Variants in TOPAZ1 observed in about 807,000 individuals in gnomAD.
TOPAZ1 encodes the protein protein TOPAZ1.
Under a neutral mutation model 172.2 loss-of-function variants are expected in TOPAZ1, and 66 were observed. The ratio of observed to expected loss-of-function variants is 0.38; its 90% CI spans 0.31 to 0.47. The LOEUF (loss-of-function observed/expected upper bound fraction) is 0.47, where lower values mean the gene tolerates loss of function less well. Among genes scored for constraint, TOPAZ1 ranks in the 20% least tolerant of loss-of-function variants. TOPAZ1 has a pLI of 0.99. For missense variants in TOPAZ1, 1,822 were observed against 1,972.4 expected, an observed-to-expected ratio of 0.92 and a Z score of 1.44; for synonymous variants, 681 against 683.9, an observed-to-expected ratio of 1.00 and a Z score of 0.07.
Position 44,242,401 on chromosome 3 carries a change from T to C in TOPAZ1, c.346+2T>C, listed in dbSNP as rs1240403644. 1 of 1,552,222 alleles carries C rather than the reference T, an allele frequency of 6.4e-7. No homozygotes were observed. The highest frequency in any genetic ancestry group is 8.7e-7 in the Non-Finnish European group (1 of 1,147,086). ...TCCCCTTGCAAACGGAAAGACACAGTAAGAAAGCATCCACGATCACTTACC... is the reference window on the plus strand; with the variant it reads ...TCCCCTTGCAAACGGAAAGACACAGCAAGAAAGCATCCACGATCACTTACC... On this transcript the variant is annotated splice_donor_variant, in intron 1 of 19. Coordinates refer to ENST00000309765, the MANE Select transcript of TOPAZ1 (RefSeq NM_001145030.2). LOFTEE classifies it high-confidence loss of function.
intron 2 of TOPAZ1, among the ~76,000 whole-genome samples, chr3:44,253,074 A>G (rs1164164962): frequency 2.0e-5 from 3 of 152,220 alleles, no homozygotes; most frequent in Non-Finnish European, 4.4e-5. Flanking sequence ...TCAAATGGCA[A>G]GAAATGAAGC....
chr3:44,258,718 A>G (rs565740694), intron 4 of TOPAZ1, among the ~76,000 whole-genome samples: 2 of 152,264 alleles, frequency 1.3e-5, no homozygotes, highest in East Asian at 3.9e-4. Flanking sequence ...TTGCTCATTG[A>G]TGGATATCTA....
chr3:44,318,457 A>G, intron 16 of TOPAZ1, among the ~76,000 whole-genome samples: 1 of 147,832 alleles, frequency 6.8e-6, no homozygotes, highest in South Asian at 2.2e-4. Flanking sequence ...ATCTCAAAAA[A>G]ACAAAACAAA....
downstream of TOPAZ1, among the ~76,000 whole-genome samples, chr3:44,334,848 T>TC (rs573926667): frequency 3.7e-4 from 57 of 152,118 alleles, no homozygotes; most frequent in Non-Finnish European, 7.2e-4. Context: ...AGCTAGGAGG[T>TC]AATCTGGAGC....
At chr3:44,336,023 G>C (rs745745850), downstream of TOPAZ1, among the ~76,000 whole-genome samples, 1 of 152,192 alleles carries the variant, frequency 6.6e-6, no homozygotes, top group Non-Finnish European at 1.5e-5. Context: ...TGAACCCTTT[G>C]TGTGGATATT....
Position 44,276,624 on chromosome 3 carries a change from C to CTTTTTTTTTTTTTTTTTTTT in TOPAZ1, c.3373-5334_3373-5315dup, listed in dbSNP as rs762865769. Among the ~76,000 whole-genome samples the CTTTTTTTTTTTTTTTTTTTT allele has an allele frequency of 4.6e-4, 11 of 24,112 alleles. 2 individuals carry two copies. The highest frequency in any genetic ancestry group is 5.1e-4 in the Admixed American group (1 of 1,946). 15.8% of individuals were successfully genotyped at this position (24,112 alleles called of 152,430 possible). ...GTAGTTTAATGCCTCCAGCTTTGTT[C>CTTTTTTTTTTTTTTTTTTTT]TTTTTTTTTTTTTTTTTTTTTTTTT... On this transcript the variant is annotated intron_variant, in intron 8 of 19. Coordinates refer to ENST00000309765, the MANE Select transcript of TOPAZ1 (RefSeq NM_001145030.2).
chr3:44,319,985 TATA>T (rs1700491648), intron 16 of TOPAZ1, among the ~76,000 whole-genome samples: 1 of 152,234 alleles, frequency 6.6e-6, no homozygotes, highest in African/African-American at 2.4e-5. Context: ...TCACTATGTG[TATA>T]ATGATTGAGT....
intron 19 of TOPAZ1, among the ~76,000 whole-genome samples, chr3:44,330,140 C>T (rs1338284651): frequency 6.6e-6 from 1 of 152,050 alleles, no homozygotes; most frequent in Non-Finnish European, 1.5e-5. Flanking sequence ...ATTTTAGTTC[C>T]ACCTTCAAAA....
chr3:44,316,051 G>A (rs1026474920), intron 16 of TOPAZ1, among the ~76,000 whole-genome samples: 7 of 151,528 alleles, frequency 4.6e-5, no homozygotes, highest in South Asian at 2.1e-4. Context: ...CCTGGGCAAC[G>A]TAGGGAGACT....
chr3:44,332,937 T>G (rs188482563), downstream of TOPAZ1, among the ~76,000 whole-genome samples: 24 of 151,722 alleles, frequency 1.6e-4, no homozygotes, highest in Non-Finnish European at 3.5e-4. Flanking sequence ...TAGCTGAGAC[T>G]ACAGGTATGC....
At chr3:44,242,546 A>G (rs1206462543) in intron 1 of TOPAZ1, 147 bp downstream of exon 1, 4 of 929,464 alleles carry the variant, frequency 4.3e-6, no homozygotes, top group Non-Finnish European at 6.5e-6. Flanking sequence ...GGATTTCCTT[A>G]AAAGGGGTGT....
In TOPAZ1 at chr3:44,254,821, T is replaced by A. The variant is rs567060088; in HGVS notation, c.2766-147T>A. The A allele has an allele frequency of 2.0e-5, 10 of 493,434 alleles. No individual in the cohort carries two copies. In the East Asian group the frequency reaches 2.7e-4, roughly 13 times the overall value. The allele number at this position is 493,434 out of a possible 1,614,324, so 30.6% of individuals were successfully genotyped here. On this transcript the variant is annotated intron_variant, in intron 2 of 19. Coordinates refer to ENST00000309765, the MANE Select transcript of TOPAZ1 (RefSeq NM_001145030.2). Reference sequence around the variant, plus strand: ...AAATCCACTCAGGTGCACTGGGTTCTGTGTCTCATTATAGTAAGTACTCTG... The same window carrying A: ...AAATCCACTCAGGTGCACTGGGTTCAGTGTCTCATTATAGTAAGTACTCTG...
chr3:44,283,453 G>A (rs1339838787), intron 9 of TOPAZ1, among the ~76,000 whole-genome samples: 1 of 152,188 alleles, frequency 6.6e-6, no homozygotes, highest in Non-Finnish European at 1.5e-5. Flanking sequence ...AGCTACTCAG[G>A]CTCTACAGAG....
chr3:44,328,525 A>G, intron 19 of TOPAZ1, 92 bp downstream of exon 19: 2 of 592,516 alleles, frequency 3.4e-6, no homozygotes, highest in Non-Finnish European at 5.5e-6. Flanking sequence ...GTTTTTATAC[A>G]TACATATATA....
chr3:44,298,909 A>ATATATATTTTT (rs1287571186), intron 12 of TOPAZ1, among the ~76,000 whole-genome samples: 3 of 41,322 alleles, frequency 7.3e-5, no homozygotes, highest in Non-Finnish European at 1.3e-4. Flanking sequence ...ATATATATAT[A>ATATATATTTTT]TTTTTTTTTT....
chr3:44,298,515 C>T (rs1254898178), intron 12 of TOPAZ1, among the ~76,000 whole-genome samples: 2 of 151,810 alleles, frequency 1.3e-5, no homozygotes. Flanking sequence ...AATGTTAAGA[C>T]TTACTAACAG....
intron 8 of TOPAZ1, among the ~76,000 whole-genome samples, chr3:44,281,067 G>A (rs1053132207): frequency 1.3e-5 from 2 of 152,182 alleles, no homozygotes; most frequent in Non-Finnish European, 2.9e-5. Context: ...AGGATTATAG[G>A]AGTCTGCAGC....
intron 12 of TOPAZ1, among the ~76,000 whole-genome samples, chr3:44,297,200 T>G (rs1700210327): frequency 6.6e-6 from 1 of 151,062 alleles, no homozygotes; most frequent in Admixed American, 6.6e-5. Context: ...AAAAGAAAAT[T>G]ACAAATTAGT....
intron 18 of TOPAZ1, 23 bp from the exon 19 acceptor site, chr3:44,328,227 T>C: frequency 6.9e-7 from 1 of 1,445,306 alleles, no homozygotes; most frequent in Non-Finnish European, 9.1e-7. Flanking sequence ...TAGTAAAGTT[T>C]GACCTATTAT....
Sources: allele counts gnomAD v4.1 joint callset (sites outside exome capture counted in the v4.1 genomes callset), GRCh38; gene constraint gnomAD v4.1.1; transcripts MANE v1.5; gene names NCBI Gene and HGNC (gene_info 2026-07-23, HGNC 2026-07-21).